TBC1D28: variants seen among roughly 807,000 people sequenced by gnomAD.
The protein encoded by TBC1D28 is TBC1 domain family, member 28.
TBC1D28 carries 20 observed loss-of-function variants against 29.2 expected under a neutral mutation model. The ratio of observed to expected loss-of-function variants is 0.68; its 90% CI spans 0.48 to 0.99. TBC1D28 has a LOEUF of 0.99. Ranked by LOEUF, TBC1D28 falls within the 50% of genes least tolerant of loss-of-function variation. The pLI, the probability that TBC1D28 is intolerant of heterozygous loss-of-function variation, is 0.00. For missense variants in TBC1D28, 205 were observed against 243.7 expected, an observed-to-expected ratio of 0.84 and a Z score of 1.06; for synonymous variants, 65 against 90.9, an observed-to-expected ratio of 0.71 and a Z score of 1.62.
Position 18,640,503 on chromosome 17 carries a change from G to A in TBC1D28, c.158+519C>T, listed in dbSNP as rs1200263459. ...GCTCTGTTGTCCCCCTGGCCTCAGT[G>A]AGAAGCCCAGGCCAGGGCCCTGCCC... On this transcript the variant is annotated intron_variant, in intron 4 of 8. Coordinates refer to ENST00000345096, the Ensembl canonical transcript of TBC1D28. Among the ~76,000 whole-genome samples the A allele has an allele frequency of 2.0e-5, 3 of 152,186 alleles. No individual in the cohort carries two copies. In the East Asian group the frequency reaches 5.8e-4, roughly 30 times the overall value.
chr17:18,634,832 C>CCCTCAGCCTCCTCAGCCCCTCAGCCT (rs2031407500), downstream of TBC1D28, among the ~76,000 whole-genome samples: 1 of 117,638 alleles, frequency 8.5e-6, no homozygotes, highest in Non-Finnish European at 2.1e-5. Flanking sequence ...GCCCCTCAGC[C>CCCTCAGCCTCCTCAGCCCCTCAGCCT]CCTCAGCCTC....
intron 8 of TBC1D28, 91 bp from the exon 10 acceptor site, chr17:18,636,688 T>C: frequency 2.0e-6 from 3 of 1,483,068 alleles, no homozygotes; most frequent in Non-Finnish European, 1.8e-6. Flanking sequence ...AACACAATTC[T>C]GGGTTCAGAT....
exon 1 of TBC1D28, chr17:18,641,877 T>C (rs888111590): frequency 5.1e-5 from 9 of 175,368 alleles, no homozygotes; most frequent in Non-Finnish European, 1.1e-4. Flanking sequence ...GCAGTTTGGT[T>C]TGGGGAAAAG....
At chr17:18,641,605 C>T (rs993829751) in intron 2 of TBC1D28, 27 bp downstream of exon 3, 24 of 563,112 alleles carry the variant, frequency 4.3e-5, no homozygotes, top group Non-Finnish European at 7.6e-5. Context: ...GCCTATTGTC[C>T]CCGAACACCC....
In TBC1D28 at chr17:18,636,704, C is replaced by T. The variant is rs553266710; in HGVS notation, c.498-107G>A. On this transcript the variant is annotated intron_variant, in intron 8 of 8. Coordinates refer to ENST00000345096, the Ensembl canonical transcript of TBC1D28. ...ACACAATTCTGGGTTCAGATGATCCCCCCAAATAAGCAGTGAGCTCTTTAG... is the reference window on the plus strand; with the variant it reads ...ACACAATTCTGGGTTCAGATGATCCTCCCAAATAAGCAGTGAGCTCTTTAG... The T allele has an allele frequency of 1.1e-5, 15 of 1,393,884 alleles. No individual in the cohort carries two copies. In the Admixed American group the frequency reaches 3.2e-4, roughly 30 times the overall value. 86.3% of individuals were successfully genotyped at this position (1,393,884 alleles called of 1,614,324 possible).
chr17:18,643,298 C>T (rs1216092113), upstream of TBC1D28, among the ~76,000 whole-genome samples: 1 of 151,812 alleles, frequency 6.6e-6, no homozygotes, highest in Non-Finnish European at 1.5e-5. Flanking sequence ...GGATTCCACA[C>T]ATTTTTTCAC....
rs1362012319 is a variant in TBC1D28, at chr17:18,640,777, C to T, written c.158+245G>A. On this transcript the variant is annotated intron_variant, in intron 4 of 8. Transcript: ENST00000345096. ...TGGAGACCACAGTGCTGAGAGCCCA[C>T]GGGCCTGCTCTGGTCCCCTCTCTGT... is the stretch of plus-strand genomic sequence containing the variant. Among the ~76,000 whole-genome samples the T allele has an allele frequency of 1.9e-5, 2 of 108,078 alleles. 1 individual carries two copies. Among genetic ancestry groups the T allele is most frequent in the East Asian group, 1.1e-3 (2 of 1,750 alleles). The allele number at this position is 108,078 out of a possible 152,430, so 70.9% of individuals were successfully genotyped here. A position where few individuals can be genotyped will look rare whatever the true frequency, so the allele number is the denominator to read the frequency against.
At position 18,638,718 on chromosome 17, in the gene TBC1D28, G is replaced by T; in HGVS notation, c.199-17C>A. ...GCGTCTTTGCTGTCAAATGAGCCAT[G>T]ATGGAGTTAGCGGAGCTGTCAGTCG... On this transcript the variant is annotated splice_polypyrimidine_tract_variant and intron_variant, in intron 5 of 8. Coordinates refer to ENST00000345096, the Ensembl canonical transcript of TBC1D28. The T allele has an allele frequency of 2.5e-6, 4 of 1,614,020 alleles. No homozygotes were observed. Among genetic ancestry groups the T allele is most frequent in the Non-Finnish European group, 3.4e-6 (4 of 1,179,862 alleles).
intron 4 of TBC1D28, among the ~76,000 whole-genome samples, chr17:18,640,770 G>A (rs1310676273): frequency 9.2e-6 from 1 of 108,240 alleles, no homozygotes; most frequent in Admixed American, 9.6e-5. Flanking sequence ...ACAGTGCTGA[G>A]AGCCCACGGG....
exon 1 of TBC1D28, chr17:18,641,949 G>A (rs537575737): frequency 6.7e-4 from 117 of 173,582 alleles, no homozygotes; most frequent in Admixed American, 2.0e-3. Flanking sequence ...GGTCGAGGAC[G>A]GTGGACACCA....
intron 4 of TBC1D28, among the ~76,000 whole-genome samples, chr17:18,639,450 C>T (rs1428981309): frequency 1.5e-5 from 2 of 136,480 alleles, no homozygotes; most frequent in South Asian, 2.5e-4. Flanking sequence ...ACTTGAAGCC[C>T]GTGGGGTGCC....
At chr17:18,634,807 C>CCCTCAGCCCCTCAGCCT (rs2031402649), downstream of TBC1D28, among the ~76,000 whole-genome samples, 1 of 146,616 alleles carries the variant, frequency 6.8e-6, no homozygotes, top group African/African-American at 2.6e-5. Flanking sequence ...GCCCCTCAGC[C>CCCTCAGCCCCTCAGCCT]CCTCAGCCGC....
intron 7 of TBC1D28, 67 bp from the exon 9 acceptor site, chr17:18,638,040 C>T (rs933429711): frequency 1.3e-5 from 20 of 1,518,084 alleles, no homozygotes; most frequent in Non-Finnish European, 1.6e-5. Context: ...CCCCAAACGG[C>T]AGTCATCCCA....
chr17:18,642,776 G>C (rs1489597211), upstream of TBC1D28: 1 of 152,254 alleles, frequency 6.6e-6, no homozygotes, highest in Non-Finnish European at 1.5e-5. Context: ...GCTTAGAAAA[G>C]TCGTTCATGC....
chr17:18,634,791 C>CCCTCAGCCCCTCAGCCCCTCAGCCG (rs1415809967), downstream of TBC1D28, among the ~76,000 whole-genome samples: 5 of 149,452 alleles, frequency 3.3e-5, no homozygotes, highest in East Asian at 5.8e-4. Flanking sequence ...GGCTGCCCGC[C>CCCTCAGCCCCTCAGCCCCTCAGCCG]CCTCAGCCCC....
chr17:18,638,708 A>T lies in TBC1D28; in HGVS notation c.199-7T>A. The T allele has an allele frequency of 6.2e-7, 1 of 1,613,978 alleles. No individual in the cohort carries two copies. Among genetic ancestry groups the T allele is most frequent in the Non-Finnish European group, 8.5e-7 (1 of 1,179,866 alleles). On this transcript the variant is annotated splice_region_variant and splice_polypyrimidine_tract_variant and intron_variant, in intron 5 of 8. Transcript: ENST00000345096. ...TACTTTCCTTGCGTCTTTGCTGTCA[A>T]ATGAGCCATGATGGAGTTAGCGGAG...
chr17:18,643,089 G>A (rs2031842123), upstream of TBC1D28: 1 of 152,294 alleles, frequency 6.6e-6, no homozygotes, highest in African/African-American at 2.4e-5. Context: ...TGCTCATCAA[G>A]TCTTAATCAG....
chr17:18,638,137 G>T, intron 7 of TBC1D28, 164 bp from the exon 9 acceptor site: 1 of 1,361,096 alleles, frequency 7.3e-7, no homozygotes, highest in Non-Finnish European at 1.0e-6. Flanking sequence ...GCCAGGGAGG[G>T]TCAGCAGAGC....
At chr17:18,638,284 T>C (rs751265539) in intron 7 of TBC1D28, 29 bp downstream of exon 8, 1 of 1,610,650 alleles carries the variant, frequency 6.2e-7, no homozygotes, top group Non-Finnish European at 8.5e-7. Flanking sequence ...TTGTTTGTAC[T>C]GCCCTAGCTG....
Sources: gnomAD v4.1 joint callset for allele counts (sites outside exome capture counted in the v4.1 genomes callset) on GRCh38, gnomAD v4.1.1 for gene constraint, MANE v1.5 for transcripts, NCBI Gene and HGNC (gene_info 2026-07-23, HGNC 2026-07-21) for gene names.